Variants in ACSF2 observed in about 807,000 individuals in gnomAD.
ACSF2 encodes the protein acyl-CoA synthetase family member 2.
A neutral mutation model predicts 79.3 loss-of-function variants in ACSF2; 52 were observed. The ratio of observed to expected loss-of-function variants is 0.66; its 90% CI spans 0.53 to 0.83. The LOEUF is 0.83. Among genes scored for constraint, ACSF2 ranks in the 40% least tolerant of loss-of-function variants. The pLI is 0.00. For missense variants in ACSF2, 661 were observed against 803.3 expected (o/e 0.82, Z 2.14); for synonymous variants, 283 against 312.6 (o/e 0.91, Z 1.00).
At chr17:50,467,578 C>T (rs2032818466) in intron 10 of ACSF2, among the ~76,000 whole-genome samples, 1 of 152,180 alleles carries the variant, frequency 6.6e-6, no homozygotes. Context: ...ATGCACAGCC[C>T]CCACCAGGAA....
At chr17:50,442,036 G>A (rs980968081) in intron 1 of ACSF2, among the ~76,000 whole-genome samples, 1 of 152,024 alleles carries the variant, frequency 6.6e-6, no homozygotes, top group Admixed American at 6.6e-5. Flanking sequence ...TGGGCACGGT[G>A]GCTCACACCT....
At chr17:50,472,169 C>T in intron 11 of ACSF2, 1 of 474,478 alleles carries the variant, frequency 2.1e-6, no homozygotes, top group Non-Finnish European at 3.7e-6. Flanking sequence ...GCAGCAGCTG[C>T]CTGCCCACTC....
chr17:50,461,273 T>C lies in ACSF2; in HGVS notation c.356T>C (p.Ile119Thr), dbSNP rs1431918127. Reference protein sequence around the residue: ...VDKAASGLLSIGLCKGDRLGM... With the variant: ...VDKAASGLLSTGLCKGDRLGM... ...AAAGCTGCTTCTGGCCTCCTGAGCATTGGCCTCTGCAAAGGTGACCGGCTG... is the reference window on the plus strand; with the variant it reads ...AAAGCTGCTTCTGGCCTCCTGAGCACTGGCCTCTGCAAAGGTGACCGGCTG... The change falls in exon 3 of 16, where the codon ATT becomes ACT. Residue 119 changes from isoleucine (I) to threonine (T), a missense_variant. By Grantham distance (89) the Ile-to-Thr change is moderately conservative. Transcript: ENST00000300441. 9 of 1,614,094 alleles carry C rather than the reference T, an allele frequency of 5.6e-6. No individual in the cohort carries two copies. The highest frequency in any genetic ancestry group is 7.6e-6 in the Non-Finnish European group (9 of 1,180,036).
Position 50,426,244 on chromosome 17 carries a change from C to A in ACSF2, c.-18C>A. On this transcript the variant is annotated 5_prime_UTR_variant, in exon 1 of 16. Coordinates refer to ENST00000300441, the MANE Select transcript of ACSF2 (RefSeq NM_025149.6). The stretch of plus-strand genomic sequence containing the variant: ...CTTTAAAAGTTTACTCGGGCCGGGA[C>A]GCAGGGCAAAGCGAGCCATGGCTGT... The A allele has an allele frequency of 7.5e-7, 1 of 1,333,608 alleles. No individual in the cohort carries two copies. The highest frequency in any genetic ancestry group is 2.3e-5 in the South Asian group (1 of 43,366). The allele number at this position is 1,333,608 out of a possible 1,614,324, so 82.6% of individuals were successfully genotyped here. A position where few individuals can be genotyped will look rare whatever the true frequency, so the allele number is the denominator to read the frequency against.
At chr17:50,461,754 G>C (rs1414143269) in intron 4 of ACSF2, 68 bp downstream of exon 4, 72 of 1,565,406 alleles carry the variant, frequency 4.6e-5, no homozygotes, top group Non-Finnish European at 5.8e-5. Context: ...GACTCTGCTT[G>C]TCAGAGTCTG....
chr17:50,460,005 T>G lies in ACSF2; in HGVS notation c.129-672T>G, dbSNP rs905183361. Among the ~76,000 whole-genome samples, 13 of 152,308 alleles carry G rather than the reference T, an allele frequency of 8.5e-5. No homozygotes were observed. The East Asian group carries it at 1.4e-3, about 16-fold the overall frequency. ...TGCCTGCCTGCCTTGTGACATCATC[T>G]GAGAGTGGGAGCTGGAGCCCAGGTG... On this transcript the variant is annotated intron_variant, in intron 1 of 15. Transcript: ENST00000300441.
intron 10 of ACSF2, 41 bp from the exon 11 acceptor site, chr17:50,470,987 C>T (rs773066242): frequency 6.2e-6 from 9 of 1,451,420 alleles, no homozygotes; most frequent in East Asian, 4.5e-5. Flanking sequence ...TCCCTCTGCA[C>T]GTGCTGAGCC....
rs188557000 is a variant in ACSF2 at position 50,430,163 on chromosome 17, G to A, written c.128+3774G>A. 7.2e-5 allele frequency among the ~76,000 whole-genome samples: 11 copies of A among 152,294 alleles called. No homozygotes were observed. In the East Asian group the frequency reaches 2.1e-3, roughly 29 times the overall value. On this transcript the variant is annotated intron_variant, in intron 1 of 15. Coordinates refer to ENST00000300441, the MANE Select transcript of ACSF2 (RefSeq NM_025149.6). ...GATCCAGTGACTTGGTGCTGATGGT[G>A]GGGACAGAGGGGTAAGGGGGCTTTG...
chr17:50,467,954 G>C (rs1181823107), intron 10 of ACSF2: 19 of 1,402,430 alleles, frequency 1.4e-5, no homozygotes, highest in Non-Finnish European at 2.9e-6. Flanking sequence ...CTGGGGACGG[G>C]GGATGGTGCC....
rs757624113 is a variant in ACSF2 at position 50,474,568 on chromosome 17, T to C, written c.*16T>C. ...AAATCTGTGAATAAAGCAGCAGGCCTGTCCTGGCCGGTTGGCTTGACTCTC... is the reference window on the plus strand; with the variant it reads ...AAATCTGTGAATAAAGCAGCAGGCCCGTCCTGGCCGGTTGGCTTGACTCTC... On this transcript the variant is annotated 3_prime_UTR_variant, in exon 16 of 16. Transcript: ENST00000300441. The surrounding 1 kb of genome is among the most constrained non-coding windows in gnomAD (Gnocchi z 4.2). 2 of 1,613,918 alleles carry C rather than the reference T, an allele frequency of 1.2e-6. No homozygotes were observed. The highest frequency in any genetic ancestry group is 1.1e-5 in the South Asian group (1 of 91,074).
rs2033106543 is a variant in ACSF2, at chr17:50,471,243, G to A, written c.1323+108G>A. 1.1e-6 allele frequency: 1 copy of A among 878,134 alleles called. No individual in the cohort carries two copies. 54.4% of individuals were successfully genotyped at this position (878,134 alleles called of 1,614,324 possible). A position where few individuals can be genotyped will look rare whatever the true frequency, so the allele number is the denominator to read the frequency against. On this transcript the variant is annotated intron_variant, in intron 11 of 15. Transcript: ENST00000300441. The surrounding 1 kb of genome is among the most constrained non-coding windows in gnomAD (Gnocchi z 4.1). ...GTGAGAGAGTCAAATGGCTCACTCA[G>A]GATGCCTAGAGCCCCCCAGCAGCAG... is the stretch of plus-strand genomic sequence containing the variant.
rs2033265408 is a variant in ACSF2, at chr17:50,474,646, T to G, written c.*94T>G. The G allele has an allele frequency of 1.5e-6, 2 of 1,306,924 alleles. No homozygotes were observed. Among genetic ancestry groups the G allele is most frequent in the Non-Finnish European group, 2.2e-6 (2 of 910,192 alleles). The allele number at this position is 1,306,924 out of a possible 1,614,324, so 81.0% of individuals were successfully genotyped here. On this transcript the variant is annotated 3_prime_UTR_variant, in exon 16 of 16. Transcript: ENST00000300441. This position sits in a 1 kb window ranked among gnomAD's most constrained non-coding sequence, Gnocchi z 4.2. The stretch of plus-strand genomic sequence containing the variant: ...GCACCTAGATGTCCCCAGCACCCAG[T>G]TCTGAGCCAGGCACATCAAATGTCA...
At chr17:50,449,129 G>A (rs2031493260) in intron 1 of ACSF2, among the ~76,000 whole-genome samples, 1 of 145,970 alleles carries the variant, frequency 6.9e-6, no homozygotes, top group South Asian at 2.1e-4. Flanking sequence ...CAATTCTCCT[G>A]CTTCAGCCTC....
Position 50,473,652 on chromosome 17 carries a change from G to C in ACSF2, c.1476-13G>C. 2.5e-6 allele frequency: 4 copies of C among 1,614,162 alleles called. No homozygotes were observed. The highest frequency in any genetic ancestry group is 3.4e-6 in the Non-Finnish European group (4 of 1,180,034). The stretch of plus-strand genomic sequence containing the variant: ...GGCAGAGATGACAGGTTGCCCCTGG[G>C]CTTTCCTTACAGAGATGTCGCCACA... On this transcript the variant is annotated splice_polypyrimidine_tract_variant and intron_variant, in intron 12 of 15. Transcript: ENST00000300441.
intron 10 of ACSF2, chr17:50,465,285 GGCCC>G (rs1567858926): frequency 6.2e-7 from 1 of 1,613,890 alleles, no homozygotes; most frequent in East Asian, 2.2e-5. Flanking sequence ...CTGTTTACCT[GGCCC>G]CCACCTGTTT....
chr17:50,433,111 C>CT (rs35016953), intron 1 of ACSF2, among the ~76,000 whole-genome samples: 73,389 of 143,876 alleles, frequency 0.51, 18,971 homozygotes, highest in Middle Eastern at 0.68. Context: ...TTTTCTTTTT[C>CT]TTTTTTTTTT....
At chr17:50,468,967 A>G in intron 10 of ACSF2, 1 of 1,379,322 alleles carries the variant, frequency 7.2e-7, no homozygotes, top group East Asian at 2.8e-5. Flanking sequence ...CATCGAGGCC[A>G]CTGGGCTTAA....
chr17:50,468,558 G>A lies in ACSF2; in HGVS notation c.1216-2470G>A, dbSNP rs753567089. The A allele has an allele frequency of 1.9e-6, 3 of 1,614,258 alleles. No individual in the cohort carries two copies. The South Asian group carries it at 3.3e-5, about 18-fold the overall frequency. ...GCACCGGCGGCCACCTCGCGGATCT[G>A]GCAGTGCTGCAGGTGCAATGACACG... On this transcript the variant is annotated intron_variant, in intron 10 of 15. Coordinates refer to ENST00000300441, the MANE Select transcript of ACSF2 (RefSeq NM_025149.6).
At chr17:50,433,158 G>A (rs2030092539) in intron 1 of ACSF2, among the ~76,000 whole-genome samples, 1 of 150,432 alleles carries the variant, frequency 6.6e-6, no homozygotes, top group Non-Finnish European at 1.5e-5. Flanking sequence ...CCAGGCTGGA[G>A]TACAGTGGCG....
Sources: allele counts gnomAD v4.1 joint callset (sites outside exome capture counted in the v4.1 genomes callset), GRCh38; gene constraint gnomAD v4.1.1; non-coding constraint Gnocchi (gnomAD v3.1); transcripts MANE v1.5; gene names NCBI Gene and HGNC (gene_info 2026-07-23, HGNC 2026-07-21).